FTO: variants seen among roughly 807,000 people sequenced by gnomAD.
FTO encodes alpha-ketoglutarate-dependent dioxygenase FTO.
Under a neutral mutation model 63.9 loss-of-function variants are expected in FTO, and 47 were observed. That is an observed-to-expected ratio of 0.74 (90% CI 0.58 to 0.94). The LOEUF is 0.94. Among genes scored for constraint, FTO ranks in the 40% least tolerant of loss-of-function variants. The pLI is 0.00. For synonymous variants in FTO, 207 were observed against 224.4 expected (o/e 0.92, Z 0.69); for missense variants, 562 against 618.1 (o/e 0.91, Z 0.96).
chr16:53,782,195 T>C (rs2077606238), intron 1 of FTO, among the ~76,000 whole-genome samples: 2 of 152,236 alleles, frequency 1.3e-5, no homozygotes, highest in African/African-American at 4.8e-5. Context: ...TTGTTTTGTT[T>C]TGGCTTTCTG....
chr16:53,968,513 C>G (rs2083245008), intron 8 of FTO, among the ~76,000 whole-genome samples: 1 of 152,220 alleles, frequency 6.6e-6, no homozygotes, highest in East Asian at 1.9e-4. Flanking sequence ...GTCTAGGACT[C>G]GTGGCAGGCA....
At chr16:54,053,836 A>G (rs1178798267) in intron 8 of FTO, among the ~76,000 whole-genome samples, 2 of 152,216 alleles carry the variant, frequency 1.3e-5, no homozygotes, top group Non-Finnish European at 2.9e-5. Flanking sequence ...TTAAAATTTT[A>G]CAAATGCCAA....
intron 1 of FTO, among the ~76,000 whole-genome samples, chr16:53,771,676 G>A (rs1237531368): frequency 6.6e-6 from 1 of 152,064 alleles, no homozygotes; most frequent in African/African-American, 2.4e-5. Context: ...AATGTTCACA[G>A]CAGCGTTATT....
chr16:53,996,971 G>T (rs190241223), intron 8 of FTO, among the ~76,000 whole-genome samples: 199 of 152,164 alleles, frequency 1.3e-3, no homozygotes, highest in Admixed American at 3.1e-3. Context: ...AATTTAGCCT[G>T]GCGTGGTGGC....
intron 6 of FTO, among the ~76,000 whole-genome samples, chr16:53,885,546 C>T (rs2080975390): frequency 6.6e-6 from 1 of 152,138 alleles, no homozygotes; most frequent in African/African-American, 2.4e-5. Context: ...TTGACAAGGA[C>T]ATTAAAACTT....
chr16:53,969,845 C>A (rs1439928225), intron 8 of FTO, among the ~76,000 whole-genome samples: 3 of 152,204 alleles, frequency 2.0e-5, no homozygotes, highest in African/African-American at 7.2e-5. Context: ...AATAATTTGT[C>A]TCTGTAATAT....
At chr16:54,046,203 A>G (rs1299016980) in intron 8 of FTO, among the ~76,000 whole-genome samples, 1 of 93,708 alleles carries the variant, frequency 1.1e-5, no homozygotes, top group Admixed American at 1.1e-4. Flanking sequence ...TTGTTTATCT[A>G]GAAAACCCCA....
Position 54,022,258 on chromosome 16 carries a change from T to C in FTO, c.1364+88149T>C, listed in dbSNP as rs528766756. On this transcript the variant is annotated intron_variant, in intron 8 of 8. Transcript: ENST00000471389. ...CTAGGTGAGCGGCTCGTAGTCCATA[T>C]GGAGCAAATTAGACAGTGAAAGAAT... 2.0e-5 allele frequency among the ~76,000 whole-genome samples: 3 copies of C among 152,344 alleles called. No individual in the cohort carries two copies. The South Asian group carries it at 6.2e-4, about 32-fold the overall frequency.
chr16:53,815,437 C>T (rs2078647878), intron 2 of FTO, among the ~76,000 whole-genome samples: 1 of 152,112 alleles, frequency 6.6e-6, no homozygotes, highest in South Asian at 2.1e-4. Context: ...GACACTGCCT[C>T]AACTATGTAG....
In FTO at chr16:53,986,776, T is replaced by C. The variant is rs1172031776; in HGVS notation, c.1364+52667T>C. On this transcript the variant is annotated intron_variant, in intron 8 of 8. Transcript: ENST00000471389. ...CATGCGTCTAGGCTGAGCTGAGCTG[T>C]GTCTTTAGGCTGAGCTGTAGAGACA... is the stretch of plus-strand genomic sequence containing the variant. 2.0e-5 allele frequency among the ~76,000 whole-genome samples: 3 copies of C among 152,384 alleles called. No homozygotes were observed. In the East Asian group the frequency reaches 5.8e-4, roughly 29 times the overall value.
intron 8 of FTO, among the ~76,000 whole-genome samples, chr16:53,965,296 G>A (rs2083173823): frequency 6.6e-6 from 1 of 152,132 alleles, no homozygotes; most frequent in Non-Finnish European, 1.5e-5. Flanking sequence ...GGTTGGTCTT[G>A]AACTCCTGAC....
intron 8 of FTO, among the ~76,000 whole-genome samples, chr16:54,095,407 G>C (rs1004501598): frequency 6.7e-6 from 1 of 150,262 alleles, no homozygotes; most frequent in Non-Finnish European, 1.5e-5. Flanking sequence ...AACCACCCCA[G>C]CCTAGTCTCT....
intron 1 of FTO, among the ~76,000 whole-genome samples, chr16:53,707,174 A>G (rs2075644108): frequency 1.3e-5 from 2 of 152,340 alleles, no homozygotes; most frequent in South Asian, 2.1e-4. Flanking sequence ...CAAGGCATCA[A>G]TAGGGCCATA....
At chr16:53,970,030 A>G (rs2083281015) in intron 8 of FTO, among the ~76,000 whole-genome samples, 1 of 152,172 alleles carries the variant, frequency 6.6e-6, no homozygotes, top group Non-Finnish European at 1.5e-5. Context: ...AGCATGTCCA[A>G]CGGAGGAGGC....
At chr16:53,958,175 C>T (rs983274995) in intron 8 of FTO, among the ~76,000 whole-genome samples, 1 of 152,216 alleles carries the variant, frequency 6.6e-6, no homozygotes, top group Non-Finnish European at 1.5e-5. Context: ...TGGTATAGGG[C>T]ATGCGTGGCC....
At chr16:54,100,452 A>T (rs1451313525) in intron 8 of FTO, among the ~76,000 whole-genome samples, 2 of 152,164 alleles carry the variant, frequency 1.3e-5, no homozygotes, top group Non-Finnish European at 2.9e-5. Flanking sequence ...TCCCAGGCTC[A>T]AGTGATCCTC....
At chr16:53,936,924 T>C (rs1453853565) in intron 8 of FTO, among the ~76,000 whole-genome samples, 1 of 152,224 alleles carries the variant, frequency 6.6e-6, no homozygotes, top group Non-Finnish European at 1.5e-5. Context: ...GCAGGTTCAT[T>C]TGCGATCATA....
intron 1 of FTO, among the ~76,000 whole-genome samples, chr16:53,789,182 C>A (rs953185567): frequency 2.6e-5 from 4 of 152,136 alleles, no homozygotes; most frequent in South Asian, 2.1e-4. Flanking sequence ...ATTGGCATAA[C>A]CTTGTGTCTA....
At chr16:53,984,601 G>A (rs746905500) in intron 8 of FTO, among the ~76,000 whole-genome samples, 5 of 152,054 alleles carry the variant, frequency 3.3e-5, no homozygotes, top group East Asian at 1.9e-4. Flanking sequence ...GATTACTGGC[G>A]TGAGCTACTG....
Sources: allele counts gnomAD v4.1 joint callset (sites outside exome capture counted in the v4.1 genomes callset), GRCh38; gene constraint gnomAD v4.1.1; transcripts MANE v1.5; gene names NCBI Gene and HGNC (gene_info 2026-07-23, HGNC 2026-07-21).